The following ZNF407 variants were observed in gnomAD, a reference collection of about 807,000 sequenced individuals.
The protein encoded by ZNF407 is zinc finger protein 407.
A neutral mutation model predicts 131.2 loss-of-function variants in ZNF407; 17 were observed. The observed-to-expected ratio is 0.13, with a 90% CI of 0.09 to 0.19. The LOEUF is 0.19. Ranked by LOEUF, ZNF407 falls within the 10% of genes least tolerant of loss-of-function variation. The pLI is 1.00. For synonymous variants in ZNF407, 1,156 were observed against 1,062.0 expected (o/e 1.09, Z -1.72); for missense variants, 2,681 against 2,830.6 (o/e 0.95, Z 1.20).
chr18:74,939,066 G>A (rs1300310096), intron 8 of ZNF407, among the ~76,000 whole-genome samples: 4 of 152,154 alleles, frequency 2.6e-5, no homozygotes, highest in African/African-American at 9.7e-5. Context: ...CAGAAAGAGA[G>A]GGTAATAAAG....
chr18:74,633,707 T>C lies in ZNF407; in HGVS notation c.2688T>C (p.Arg896=), dbSNP rs1984265869. 1 of 1,613,688 alleles carries C rather than the reference T, an allele frequency of 6.2e-7. No homozygotes were observed. The highest frequency in any genetic ancestry group is 1.3e-5 in the African/African-American group (1 of 74,844). Residue 896 remains arginine, a synonymous_variant, in exon 2 of 9, where the codon CGT becomes CGC. Coordinates refer to ENST00000299687, the MANE Select transcript of ZNF407 (RefSeq NM_017757.3). ...YYTVTKGDME[R]HCATKKHKGR... is the part of the protein sequence containing the mutation. ...CTGTAACTAAGGGAGATATGGAACGTCATTGTGCCACCAAGAAACATAAAG... is the reference window on the plus strand; with the variant it reads ...CTGTAACTAAGGGAGATATGGAACGCCATTGTGCCACCAAGAAACATAAAG...
intron 4 of ZNF407, among the ~76,000 whole-genome samples, chr18:74,791,203 C>G (rs1437616793): frequency 6.6e-6 from 1 of 152,164 alleles, no homozygotes; most frequent in Non-Finnish European, 1.5e-5. Context: ...CATTAAGGCA[C>G]TCTTTGATAC....
At chr18:74,887,177 C>A (rs1014790810) in intron 6 of ZNF407, among the ~76,000 whole-genome samples, 1 of 151,822 alleles carries the variant, frequency 6.6e-6, no homozygotes, top group Non-Finnish European at 1.5e-5. Flanking sequence ...TTTTTTATTA[C>A]GCAGTATGAA....
At chr18:74,956,114 T>A (rs1972272424) in intron 8 of ZNF407, among the ~76,000 whole-genome samples, 1 of 152,224 alleles carries the variant, frequency 6.6e-6, no homozygotes, top group African/African-American at 2.4e-5. Context: ...GCTTCTTTCC[T>A]AAACTTCAGG....
intron 3 of ZNF407, among the ~76,000 whole-genome samples, chr18:74,779,718 T>G (rs1332262307): frequency 1.3e-5 from 2 of 152,184 alleles, no homozygotes; most frequent in Non-Finnish European, 2.9e-5. Context: ...TGTAATATTT[T>G]TGCTTCAATT....
At chr18:74,678,757 G>T (rs1180995159) in intron 3 of ZNF407, among the ~76,000 whole-genome samples, 1 of 152,108 alleles carries the variant, frequency 6.6e-6, no homozygotes, top group Non-Finnish European at 1.5e-5. Flanking sequence ...ACAAATTCCA[G>T]TATTTTGGAA....
chr18:74,663,563 T>TG (rs1985805611), intron 3 of ZNF407, among the ~76,000 whole-genome samples: 1 of 152,164 alleles, frequency 6.6e-6, no homozygotes, highest in Non-Finnish European at 1.5e-5. Context: ...ATATTACGTG[T>TG]GGGGAACTGG....
chr18:75,011,088 T>C (rs926966043), intron 8 of ZNF407, among the ~76,000 whole-genome samples: 3 of 152,202 alleles, frequency 2.0e-5, no homozygotes, highest in African/African-American at 7.2e-5. Flanking sequence ...AGCTGAGTCT[T>C]ATTTATAAAA....
chr18:74,849,300 G>A (rs373204270), intron 4 of ZNF407, among the ~76,000 whole-genome samples: 3 of 151,862 alleles, frequency 2.0e-5, no homozygotes, highest in South Asian at 2.1e-4. Flanking sequence ...AGCTGGTCTC[G>A]AACTCCTGAC....
At chr18:75,037,484 T>G (rs1334337565) in intron 8 of ZNF407, among the ~76,000 whole-genome samples, 1 of 150,472 alleles carries the variant, frequency 6.6e-6, no homozygotes, top group Non-Finnish European at 1.5e-5. Flanking sequence ...GAACACTAAT[T>G]AGTGCTGTGC....
intron 3 of ZNF407, among the ~76,000 whole-genome samples, chr18:74,728,718 C>T (rs1364382625): frequency 2.6e-5 from 4 of 151,984 alleles, no homozygotes; most frequent in Non-Finnish European, 4.4e-5. Flanking sequence ...TAGATGGTGG[C>T]GGAAGGCTTG....
intron 8 of ZNF407, among the ~76,000 whole-genome samples, chr18:74,956,877 G>A (rs889753168): frequency 2.6e-5 from 4 of 152,084 alleles, no homozygotes; most frequent in East Asian, 1.9e-4. Flanking sequence ...TGACAAAGTC[G>A]TAATCACTAA....
intron 7 of ZNF407, among the ~76,000 whole-genome samples, chr18:74,913,178 A>T (rs2145226884): frequency 6.6e-6 from 1 of 152,336 alleles, no homozygotes; most frequent in Admixed American, 6.5e-5. Context: ...ATTCATGCCC[A>T]TTGACATTTG....
chr18:74,916,476 TTGGG>T (rs1971765820), intron 7 of ZNF407, among the ~76,000 whole-genome samples: 1 of 114,868 alleles, frequency 8.7e-6, no homozygotes, highest in Non-Finnish European at 1.7e-5. Context: ...TTGGTTCGAA[TTGGG>T]AGTGTGTGTG....
At chr18:74,691,121 A>G (rs750518713) in intron 3 of ZNF407, among the ~76,000 whole-genome samples, 62 of 152,100 alleles carry the variant, frequency 4.1e-4, no homozygotes, top group Non-Finnish European at 6.3e-4. Context: ...TCTACTAAAA[A>G]TACAAAAATT....
At chr18:74,623,307 C>T (rs1226030699) in intron 1 of ZNF407, among the ~76,000 whole-genome samples, 7 of 145,032 alleles carry the variant, frequency 4.8e-5, no homozygotes. Context: ...AGTGTGAGTG[C>T]GTGAGGGTAA....
rs1359984423 is a variant in ZNF407 at position 74,703,148 on chromosome 18, A to G, written c.4802+62026A>G. Among the ~76,000 whole-genome samples, 1 of 152,218 alleles carries G rather than the reference A, an allele frequency of 6.6e-6. No individual in the cohort carries two copies. Among genetic ancestry groups the G allele is most frequent in the Non-Finnish European group, 1.5e-5 (1 of 68,032 alleles). On this transcript the variant is annotated intron_variant, in intron 3 of 8. Transcript: ENST00000299687. The surrounding 1 kb of genome is among the most constrained non-coding windows in gnomAD (Gnocchi z 4.1). Reference sequence around the variant, plus strand: ...ACCCAAATGAGGTGACTCAGCAGAGAGGCGAGGTGGTGTGAGAGCTACAAG... The same window carrying G: ...ACCCAAATGAGGTGACTCAGCAGAGGGGCGAGGTGGTGTGAGAGCTACAAG...
intron 3 of ZNF407, among the ~76,000 whole-genome samples, chr18:74,687,618 A>G (rs1327064359): frequency 6.6e-6 from 1 of 152,122 alleles, no homozygotes; most frequent in Non-Finnish European, 1.5e-5. Context: ...ATAAGGAATT[A>G]AACAAAGATA....
Position 75,064,703 on chromosome 18 carries a change from G to A in ZNF407, c.*235G>A, listed in dbSNP as rs566429565. On this transcript the variant is annotated 3_prime_UTR_variant, in exon 9 of 9. Coordinates refer to ENST00000299687, the MANE Select transcript of ZNF407 (RefSeq NM_017757.3). ...TGCCAAGTGCAGGGGAGGGCCGGGCGCAGGCCGCACAGGGAGCTCCGGTCC... is the reference window on the plus strand; with the variant it reads ...TGCCAAGTGCAGGGGAGGGCCGGGCACAGGCCGCACAGGGAGCTCCGGTCC... The A allele has an allele frequency of 3.4e-5, 15 of 440,106 alleles. No individual in the cohort carries two copies. The highest frequency in any genetic ancestry group is 6.9e-5 in the South Asian group (1 of 14,398). The allele number at this position is 440,106 out of a possible 1,614,324, so 27.3% of individuals were successfully genotyped here.
Sources: allele counts gnomAD v4.1 joint callset (sites outside exome capture counted in the v4.1 genomes callset), GRCh38; gene constraint gnomAD v4.1.1; non-coding constraint Gnocchi (gnomAD v3.1); transcripts MANE v1.5; gene names NCBI Gene and HGNC (gene_info 2026-07-23, HGNC 2026-07-21).